Variants in ADAM9 observed in about 807,000 individuals in gnomAD.
The protein encoded by ADAM9 is disintegrin and metalloproteinase domain-containing protein 9.
In ADAM9, 54 loss-of-function variants were observed where a neutral mutation model predicts 108.1. The ratio of observed to expected loss-of-function variants is 0.50; its 90% CI spans 0.40 to 0.63. ADAM9 has a LOEUF of 0.63. ADAM9 is among the 20% of genes least tolerant of loss of function. The pLI is 0.00. For missense variants in ADAM9, 830 were observed against 997.7 expected, an observed-to-expected ratio of 0.83 and a Z score of 2.26; for synonymous variants, 316 against 336.0, an observed-to-expected ratio of 0.94 and a Z score of 0.65.
At chr8:39,069,156 T>C (rs1045077440) in intron 14 of ADAM9, among the ~76,000 whole-genome samples, 32 of 152,192 alleles carry the variant, frequency 2.1e-4, no homozygotes, top group Admixed American at 2.1e-3. Context: ...CTGAGATACA[T>C]TGAGTCATTT....
intron 21 of ADAM9, 122 bp downstream of exon 21, chr8:39,102,052 A>G (rs1433361672): frequency 1.2e-6 from 1 of 859,858 alleles, no homozygotes; most frequent in Non-Finnish European, 1.9e-6. Flanking sequence ...AGTTTACAAG[A>G]ATATGATTTG....
At chr8:38,998,547 C>T (rs978288495) in intron 1 of ADAM9, among the ~76,000 whole-genome samples, 1 of 152,160 alleles carries the variant, frequency 6.6e-6, no homozygotes, top group Non-Finnish European at 1.5e-5. Context: ...CATGTGTATG[C>T]CCCTTCAAAG....
intron 14 of ADAM9, among the ~76,000 whole-genome samples, chr8:39,061,753 CAATATT>C (rs1838305951): frequency 6.6e-6 from 1 of 152,084 alleles, no homozygotes; most frequent in Non-Finnish European, 1.5e-5. Context: ...CCTTTTATAA[CAATATT>C]AATCTTATCC....
At chr8:39,010,153 G>A (rs1187656993) in intron 2 of ADAM9, among the ~76,000 whole-genome samples, 1 of 151,798 alleles carries the variant, frequency 6.6e-6, no homozygotes, top group Non-Finnish European at 1.5e-5. Context: ...TAGAAGGAGG[G>A]GGGTGAACAA....
At chr8:39,016,015 T>C in intron 4 of ADAM9, 103 bp from the exon 5 acceptor site, 1 of 1,069,402 alleles carries the variant, frequency 9.4e-7, no homozygotes. Flanking sequence ...TTTGTTATTA[T>C]TAAACTTGAC....
chr8:39,045,347 TGTGTACATAC>T (rs1837681267), intron 12 of ADAM9, among the ~76,000 whole-genome samples: 7 of 137,116 alleles, frequency 5.1e-5, no homozygotes, highest in South Asian at 2.3e-4. Context: ...CCTATACATG[TGTGTACATAC>T]ATATAGGTGT....
At chr8:39,044,941 C>CATAGGTATGTGTATATGTGTGTG (rs1564295522) in intron 12 of ADAM9, among the ~76,000 whole-genome samples, 5 of 148,356 alleles carry the variant, frequency 3.4e-5, no homozygotes, top group Admixed American at 6.6e-5. Context: ...TGCACACATA[C>CATAGGTATGTGTATATGTGTGTG]CTATGTATGT....
intron 21 of ADAM9, among the ~76,000 whole-genome samples, chr8:39,103,026 G>C (rs1839748291): frequency 6.6e-6 from 1 of 152,220 alleles, no homozygotes; most frequent in Non-Finnish European, 1.5e-5. Context: ...ATCAGGGAAA[G>C]AGTATATAAA....
chr8:39,030,197 T>C (rs1837054708), intron 11 of ADAM9, among the ~76,000 whole-genome samples: 1 of 152,176 alleles, frequency 6.6e-6, no homozygotes, highest in African/African-American at 2.4e-5. Flanking sequence ...TCCCTCATTA[T>C]GGTATCATGC....
At chr8:39,087,296 C>T (rs1477610182) in intron 18 of ADAM9, among the ~76,000 whole-genome samples, 1 of 152,044 alleles carries the variant, frequency 6.6e-6, no homozygotes, top group Admixed American at 6.5e-5. Context: ...TGTCCAGTGT[C>T]TTGAAAACTG....
intron 14 of ADAM9, among the ~76,000 whole-genome samples, chr8:39,069,818 G>A (rs1000574368): frequency 1.6e-4 from 24 of 152,026 alleles, no homozygotes; most frequent in African/African-American, 5.8e-4. Context: ...TTCCTCTACT[G>A]TCAATATTCT....
rs940452007 is a variant in ADAM9 at position 39,022,097 on chromosome 8, TGA to T, written c.744+406_744+407del. Among the ~76,000 whole-genome samples, 758 of 135,976 alleles carry T rather than the reference TGA, an allele frequency of 5.6e-3. 1 individual carries two copies. The highest frequency in any genetic ancestry group is 9.8e-3 in the African/African-American group (322 of 32,720). The allele number at this position is 135,976 out of a possible 152,430, so 89.2% of individuals were successfully genotyped here. On this transcript the variant is annotated intron_variant, in intron 8 of 21. Coordinates refer to ENST00000487273, the MANE Select transcript of ADAM9 (RefSeq NM_003816.3). ...GTGTGTGTGTGTGTGTGTGTGTGTG[TGA>T]GAGAGAGAGAGAGAGAGAGAGAAAG...
intron 11 of ADAM9, among the ~76,000 whole-genome samples, chr8:39,027,102 C>G (rs770715391): frequency 8.5e-5 from 13 of 152,124 alleles, no homozygotes; most frequent in Middle Eastern, 3.4e-3. Context: ...AAGTATGTAA[C>G]TACACTCTTC....
chr8:39,048,520 G>A (rs1206298320), intron 12 of ADAM9, among the ~76,000 whole-genome samples: 2 of 152,296 alleles, frequency 1.3e-5, no homozygotes, highest in East Asian at 3.9e-4. Context: ...AGAGTTCCAT[G>A]TGTGCCTGAG....
At chr8:39,060,305 C>G (rs962857602) in intron 14 of ADAM9, among the ~76,000 whole-genome samples, 1 of 152,240 alleles carries the variant, frequency 6.6e-6, no homozygotes, top group Admixed American at 6.5e-5. Flanking sequence ...GCTTCAAGCA[C>G]TGTTTGATCT....
At chr8:39,003,653 A>G (rs781417283) in intron 1 of ADAM9, among the ~76,000 whole-genome samples, 4 of 152,184 alleles carry the variant, frequency 2.6e-5, no homozygotes, top group African/African-American at 4.8e-5. Context: ...ACATTCCCCC[A>G]GTATGTGCAT....
chr8:39,068,222 C>G (rs1838553898), intron 14 of ADAM9, among the ~76,000 whole-genome samples: 1 of 152,154 alleles, frequency 6.6e-6, no homozygotes, highest in South Asian at 2.1e-4. Context: ...ACTCTAGGCT[C>G]ATGGGGGAGG....
At position 39,071,408 on chromosome 8, in the gene ADAM9, G is replaced by T. The variant is rs370657946; in HGVS notation, c.1697+5G>T. The stretch of plus-strand genomic sequence containing the variant: ...ATACAAGAAGTGTGCCACTGGGTAA[G>T]TGGAGGTGCGGTCATAATGGAATAT... On this transcript the variant is annotated splice_donor_5th_base_variant and intron_variant, in intron 15 of 21. Coordinates refer to ENST00000487273, the MANE Select transcript of ADAM9 (RefSeq NM_003816.3). The T allele has an allele frequency of 6.3e-7, 1 of 1,599,378 alleles. No homozygotes were observed.
chr8:39,068,118 T>C (rs1368578716), intron 14 of ADAM9, among the ~76,000 whole-genome samples: 1 of 152,218 alleles, frequency 6.6e-6, no homozygotes, highest in East Asian at 1.9e-4. Context: ...TTACCTTTTT[T>C]CTTTGTTTGA....
Sources: gnomAD v4.1 joint callset for allele counts (sites outside exome capture counted in the v4.1 genomes callset) on GRCh38, gnomAD v4.1.1 for gene constraint, MANE v1.5 for transcripts, NCBI Gene and HGNC (gene_info 2026-07-23, HGNC 2026-07-21) for gene names.